HDGFL3: variants seen among roughly 807,000 people sequenced by gnomAD.
HDGFL3 encodes the protein hepatoma-derived growth factor-related protein 3.
Under a neutral mutation model 27.6 loss-of-function variants are expected in HDGFL3, and 6 were observed. The observed-to-expected ratio is 0.22, with a 90% CI of 0.12 to 0.43. The LOEUF (loss-of-function observed/expected upper bound fraction) is 0.43. Among genes scored for constraint, HDGFL3 ranks in the 20% least tolerant of loss-of-function variants. The probability of loss-of-function intolerance (pLI) is 1.00; values close to 1 mark genes in which losing one functional copy is unlikely to be tolerated. For synonymous variants in HDGFL3, 88 were observed against 88.9 expected (o/e 0.99, Z 0.05); for missense variants, 207 against 250.1 (o/e 0.83, Z 1.16).
At position 83,135,869 on chromosome 15, in the gene HDGFL3, T is replaced by G. The variant is rs2036574242; in HGVS notation, c.*3401A>C. Reference sequence around the variant, plus strand: ...AACAACCTTATCTTACAAACAACCCTTAATATTTTAAAAGCTGCAGAAAAA... The same window carrying G: ...AACAACCTTATCTTACAAACAACCCGTAATATTTTAAAAGCTGCAGAAAAA... On this transcript the variant is annotated 3_prime_UTR_variant, in exon 6 of 6. Transcript: ENST00000299633. 1 of 152,140 alleles carries G rather than the reference T, an allele frequency of 6.6e-6. No individual in the cohort carries two copies. The highest frequency in any genetic ancestry group is 1.5e-5 in the Non-Finnish European group (1 of 68,020). 9.4% of individuals were successfully genotyped at this position (152,140 alleles called of 1,614,324 possible).
At chr15:83,189,809 G>A (rs1453697376) in intron 1 of HDGFL3, among the ~76,000 whole-genome samples, 1 of 152,044 alleles carries the variant, frequency 6.6e-6, no homozygotes, top group East Asian at 1.9e-4. Flanking sequence ...ACTGATAATT[G>A]CAAAGGTACT....
chr15:83,118,960 C>A (rs559879262), intron 3 of HDGFL3, among the ~76,000 whole-genome samples: 1 of 152,182 alleles, frequency 6.6e-6, no homozygotes, highest in East Asian at 1.9e-4. Context: ...AGCTACGTGA[C>A]CTTAGGAAAG....
intron 4 of HDGFL3, among the ~76,000 whole-genome samples, chr15:83,152,427 G>A (rs185307403): frequency 9.2e-5 from 14 of 152,118 alleles, no homozygotes; most frequent in Admixed American, 5.9e-4. Flanking sequence ...GGGGCTGGGC[G>A]CAGTGGCTCA....
At position 83,182,319 on chromosome 15, in the gene HDGFL3, C is replaced by T. The variant is rs1567174665; in HGVS notation, c.85-18244G>A. 2.6e-5 allele frequency among the ~76,000 whole-genome samples: 4 copies of T among 152,154 alleles called. No individual in the cohort carries two copies. The East Asian group carries it at 5.8e-4, about 22-fold the overall frequency. ...TTTAACAAACTAAAGTGTTATAATG[C>T]TTTATGTATTTACTCAAAATAAATG... On this transcript the variant is annotated intron_variant, in intron 1 of 5. Coordinates refer to ENST00000299633, the MANE Select transcript of HDGFL3 (RefSeq NM_016073.4).
intron 1 of HDGFL3, among the ~76,000 whole-genome samples, chr15:83,174,716 T>C (rs2037288716): frequency 6.6e-6 from 1 of 152,202 alleles, no homozygotes; most frequent in Non-Finnish European, 1.5e-5. Flanking sequence ...GGCACTGAAT[T>C]ACTAGTTGAT....
rs1478686767 is a variant in HDGFL3 at position 83,129,406 on chromosome 15, G to A, written c.*9864C>T. ...GGCCTGGCACCAGGTCAACTGAGGG[G>A]AGGCTGGTGACTGTGGTCTTCCTGC... On this transcript the variant is annotated 3_prime_UTR_variant, in exon 6 of 6. Coordinates refer to ENST00000299633, the MANE Select transcript of HDGFL3 (RefSeq NM_016073.4). The A allele has an allele frequency of 6.6e-6, 1 of 152,152 alleles. No individual in the cohort carries two copies. The highest frequency in any genetic ancestry group is 1.5e-5 in the Non-Finnish European group (1 of 68,042). The allele number at this position is 152,152 out of a possible 1,614,324, so 9.4% of individuals were successfully genotyped here. A position where few individuals can be genotyped will look rare whatever the true frequency, so the allele number is the denominator to read the frequency against.
At chr15:83,153,027 C>T (rs970592196) in intron 4 of HDGFL3, among the ~76,000 whole-genome samples, 1 of 143,532 alleles carries the variant, frequency 7.0e-6, no homozygotes. Flanking sequence ...CGGAGTCTCG[C>T]TCTGTTGCCC....
Position 83,157,549 on chromosome 15 carries a change from CT to C in HDGFL3, c.324del (p.Glu109LysfsTer21), listed in dbSNP as rs758955243. 6.2e-7 allele frequency: 1 copy of C among 1,613,830 alleles called. No individual in the cohort carries two copies. Among genetic ancestry groups the C allele is most frequent in the Non-Finnish European group, 8.5e-7 (1 of 1,179,852 alleles). On this transcript the variant is annotated frameshift_variant, in exon 4 of 6. Transcript: ENST00000299633. LOFTEE classifies it high-confidence loss of function. ...GTATTTCCACCTTCTCCCTCAGTTT[CT>C]GAAGAGCTCTGTTGCTGAATTGCCT... ...GYQAIQQQSS[S>X]ETEGEGGNTA...
chr15:83,139,592 ACAT>A (rs975433157), intron 5 of HDGFL3, among the ~76,000 whole-genome samples: 289 of 152,348 alleles, frequency 1.9e-3, no homozygotes, highest in Non-Finnish European at 1.8e-3. Flanking sequence ...TTGCTGGAAT[ACAT>A]CATCAGTGGA....
intron 1 of HDGFL3, among the ~76,000 whole-genome samples, chr15:83,176,213 A>G (rs1442979463): frequency 2.0e-5 from 3 of 152,194 alleles, no homozygotes; most frequent in Non-Finnish European, 2.9e-5. Flanking sequence ...GTACTTGAGA[A>G]AGCCTTTACC....
At chr15:83,166,766 T>C (rs959420715) in intron 1 of HDGFL3, among the ~76,000 whole-genome samples, 5 of 152,104 alleles carry the variant, frequency 3.3e-5, no homozygotes, top group African/African-American at 1.2e-4. Context: ...ACATCTTACA[T>C]GTCCAGAGCA....
chr15:83,163,480 A>G (rs1436424559), intron 2 of HDGFL3, among the ~76,000 whole-genome samples: 1 of 152,220 alleles, frequency 6.6e-6, no homozygotes, highest in Non-Finnish European at 1.5e-5. Context: ...GAAAGAAATA[A>G]ACTTCTATAT....
At chr15:83,164,367 CAAAAAAAAAA>C (rs869303457) in intron 1 of HDGFL3, among the ~76,000 whole-genome samples, 34 of 38,396 alleles carry the variant, frequency 8.9e-4, no homozygotes, top group South Asian at 3.9e-3. Context: ...TTAGAGTAAC[CAAAAAAAAAA>C]AAAAAAAAAA....
At chr15:83,159,469 C>T (rs2037071316) in intron 2 of HDGFL3, among the ~76,000 whole-genome samples, 1 of 152,102 alleles carries the variant, frequency 6.6e-6, no homozygotes. Context: ...AACAAAGAGA[C>T]AAACATCTCT....
chr15:83,157,616 A>T, intron 3 of HDGFL3, 43 bp from the exon 4 acceptor site: 1 of 1,520,890 alleles, frequency 6.6e-7, no homozygotes, highest in Non-Finnish European at 9.0e-7. Context: ...TTTTGAAAAA[A>T]TAGCAAAGAA....
At position 83,129,393 on chromosome 15, in the gene HDGFL3, G is replaced by A. The variant is rs945292503; in HGVS notation, c.*9877C>T. 5.3e-5 allele frequency: 8 copies of A among 152,210 alleles called. No individual in the cohort carries two copies. The highest frequency in any genetic ancestry group is 7.3e-5 in the Non-Finnish European group (5 of 68,054). 9.4% of individuals were successfully genotyped at this position (152,210 alleles called of 1,614,324 possible). ...TTTTCAAGGTCCAGGCCTGGCACCA[G>A]GTCAACTGAGGGGAGGCTGGTGACT... On this transcript the variant is annotated 3_prime_UTR_variant, in exon 6 of 6. Transcript: ENST00000299633.
rs1454919600 is a variant in HDGFL3 at position 83,136,399 on chromosome 15, T to C, written c.*2871A>G. ...GTTTTGAGGGCACAGAAACGTAGCC[T>C]GAATGAACCATTCAGAACTCATCAT... On this transcript the variant is annotated 3_prime_UTR_variant, in exon 6 of 6. Transcript: ENST00000299633. The C allele has an allele frequency of 5.6e-6, 7 of 1,260,300 alleles. No homozygotes were observed. In the East Asian group the frequency reaches 1.5e-4, roughly 27 times the overall value. The allele number at this position is 1,260,300 out of a possible 1,614,324, so 78.1% of individuals were successfully genotyped here. A position where few individuals can be genotyped will look rare whatever the true frequency, so the allele number is the denominator to read the frequency against.
intron 1 of HDGFL3, among the ~76,000 whole-genome samples, chr15:83,169,414 C>CAAAAAAAAAAAAAAAAAAAAAAAA (rs58159581): frequency 5.6e-5 from 2 of 35,568 alleles, no homozygotes; most frequent in African/African-American, 1.7e-4. Flanking sequence ...GACTCCGTCT[C>CAAAAAAAAAAAAAAAAAAAAAAAA]AAAAAAAAAA....
At chr15:83,177,779 A>G (rs1467254695) in intron 1 of HDGFL3, among the ~76,000 whole-genome samples, 4 of 152,212 alleles carry the variant, frequency 2.6e-5, no homozygotes, top group Admixed American at 2.6e-4. Context: ...TATAATATGT[A>G]TATTATGCAC....
Sources: allele counts gnomAD v4.1 joint callset (sites outside exome capture counted in the v4.1 genomes callset), GRCh38; gene constraint gnomAD v4.1.1; transcripts MANE v1.5; gene names NCBI Gene and HGNC (gene_info 2026-07-23, HGNC 2026-07-21).